NELL2: variants seen among roughly 807,000 people sequenced by gnomAD.
NELL2 encodes protein kinase C-binding protein NELL2.
Under a neutral mutation model 109.6 loss-of-function variants are expected in NELL2, and 41 were observed. The observed-to-expected ratio is 0.37, with a 90% CI of 0.29 to 0.49. The LOEUF (loss-of-function observed/expected upper bound fraction) is 0.49. NELL2 is among the 20% of genes least tolerant of loss of function. The probability of loss-of-function intolerance (pLI) is 0.98; values close to 1 mark genes in which losing one functional copy is unlikely to be tolerated. For synonymous variants in NELL2, 355 were observed against 344.7 expected, an observed-to-expected ratio of 1.03 and a Z score of -0.33; for missense variants, 900 against 1,008.3, an observed-to-expected ratio of 0.89 and a Z score of 1.45.
chr12:44,780,311 A>T (rs2136599594), intron 3 of NELL2, among the ~76,000 whole-genome samples: 1 of 152,078 alleles, frequency 6.6e-6, no homozygotes. Flanking sequence ...ATGAATGTAG[A>T]CCTAAAAAAT....
At chr12:44,869,304 A>G (rs1235851366) in intron 2 of NELL2, among the ~76,000 whole-genome samples, 3 of 152,220 alleles carry the variant, frequency 2.0e-5, no homozygotes, top group Admixed American at 1.3e-4. Context: ...CAAGGTCTAG[A>G]AATAAGCTTC....
intron 11 of NELL2, among the ~76,000 whole-genome samples, chr12:44,707,496 T>C (rs1254233963): frequency 1.3e-5 from 2 of 152,180 alleles, no homozygotes; most frequent in Non-Finnish European, 2.9e-5. Flanking sequence ...CAATTTATCC[T>C]CTGCTTATTG....
At chr12:44,518,268 G>A (rs1183255049) in intron 19 of NELL2, among the ~76,000 whole-genome samples, 1 of 147,950 alleles carries the variant, frequency 6.8e-6, no homozygotes, top group African/African-American at 2.5e-5. Flanking sequence ...TTTCTGAGAT[G>A]GAGTCTCGCT....
At chr12:44,691,755 A>G (rs1764769222) in intron 12 of NELL2, among the ~76,000 whole-genome samples, 1 of 152,212 alleles carries the variant, frequency 6.6e-6, no homozygotes, top group East Asian at 1.9e-4. Flanking sequence ...GTATGGATGG[A>G]AGATAAAATC....
At chr12:44,550,394 C>T (rs529801601) in intron 15 of NELL2, among the ~76,000 whole-genome samples, 1 of 148,590 alleles carries the variant, frequency 6.7e-6, no homozygotes, top group East Asian at 2.0e-4. Flanking sequence ...ATTACAGGAA[C>T]ATGCCACCAT....
chr12:44,577,048 T>G (rs1805456513), intron 15 of NELL2, among the ~76,000 whole-genome samples: 3 of 137,574 alleles, frequency 2.2e-5, no homozygotes, highest in South Asian at 5.1e-4. Flanking sequence ...TATAGTCCTT[T>G]GGGTATATAC....
rs530167691 is a variant in NELL2, at chr12:44,859,005, C to T, written c.184+16220G>A. On this transcript the variant is annotated intron_variant, in intron 2 of 19. Coordinates refer to ENST00000429094, the MANE Select transcript of NELL2 (RefSeq NM_001145108.2). ...TTTTACTCTGTTTCTTCTTAGAATT[C>T]GCTTGTGGTTAAATGATTACCTACA... 1.8e-4 allele frequency among the ~76,000 whole-genome samples: 28 copies of T among 152,250 alleles called. No individual in the cohort carries two copies. The South Asian group carries it at 3.1e-3, about 17-fold the overall frequency.
chr12:44,907,400 C>T (rs1213300770), intron 1 of NELL2, among the ~76,000 whole-genome samples: 2 of 151,840 alleles, frequency 1.3e-5, no homozygotes, highest in East Asian at 3.9e-4. Flanking sequence ...AGATTAGGTG[C>T]AAAACCAAAA....
intron 9 of NELL2, among the ~76,000 whole-genome samples, chr12:44,741,294 G>C (rs1380558973): frequency 6.6e-6 from 1 of 152,108 alleles, no homozygotes; most frequent in African/African-American, 2.4e-5. Context: ...ACTTTAAGCT[G>C]TATCATAACA....
chr12:44,664,527 C>T (rs1037256213), intron 13 of NELL2, among the ~76,000 whole-genome samples: 3 of 151,940 alleles, frequency 2.0e-5, no homozygotes, highest in Non-Finnish European at 4.4e-5. Flanking sequence ...AAAACAAAGA[C>T]AAAGTGATAC....
At chr12:44,656,483 A>G (rs962582467) in intron 13 of NELL2, among the ~76,000 whole-genome samples, 1 of 152,250 alleles carries the variant, frequency 6.6e-6, no homozygotes, top group African/African-American at 2.4e-5. Flanking sequence ...GAGAAATAAG[A>G]CATTTCCTCA....
At chr12:44,774,717 G>T (rs377157697) in intron 9 of NELL2, 30 bp downstream of exon 9, 3 of 1,544,770 alleles carry the variant, frequency 1.9e-6, no homozygotes, top group Non-Finnish European at 2.7e-6. Context: ...TTTTTCCAAA[G>T]AAAGTATTCA....
chr12:44,684,142 C>T (rs193079071), intron 12 of NELL2, among the ~76,000 whole-genome samples: 1 of 152,264 alleles, frequency 6.6e-6, no homozygotes, highest in African/African-American at 2.4e-5. Context: ...CTGGTTTAGT[C>T]TTGGGAGACT....
intron 13 of NELL2, among the ~76,000 whole-genome samples, chr12:44,644,393 G>A (rs1011623058): frequency 6.6e-6 from 1 of 151,482 alleles, no homozygotes; most frequent in Non-Finnish European, 1.5e-5. Context: ...ACCACCTATT[G>A]CTATTTAAAA....
At chr12:44,647,955 T>C (rs1191438100) in intron 13 of NELL2, among the ~76,000 whole-genome samples, 1 of 152,148 alleles carries the variant, frequency 6.6e-6, no homozygotes, top group Non-Finnish European at 1.5e-5. Context: ...ATCATGTGGT[T>C]GGAAGGTGAG....
intron 13 of NELL2, among the ~76,000 whole-genome samples, chr12:44,634,791 A>C (rs1946575492): frequency 6.6e-6 from 1 of 152,178 alleles, no homozygotes; most frequent in African/African-American, 2.4e-5. Context: ...TCCCACGAAC[A>C]GTGTAAAAGC....
At chr12:44,858,884 C>A (rs1259645986) in intron 2 of NELL2, among the ~76,000 whole-genome samples, 1 of 152,158 alleles carries the variant, frequency 6.6e-6, no homozygotes, top group African/African-American at 2.4e-5. Context: ...ATGATAAGTA[C>A]TTCAAAATAG....
intron 12 of NELL2, among the ~76,000 whole-genome samples, chr12:44,685,472 T>G (rs1424075715): frequency 2.6e-5 from 4 of 152,152 alleles, no homozygotes; most frequent in Non-Finnish European, 5.9e-5. Context: ...ATTAGCTGGT[T>G]ATTTTGCTCG....
chr12:44,681,867 G>T (rs1484204612), intron 12 of NELL2, among the ~76,000 whole-genome samples: 1 of 151,436 alleles, frequency 6.6e-6, no homozygotes, highest in African/African-American at 2.5e-5. Flanking sequence ...GAATAATGCC[G>T]CAATAAACAT....
Sources: gnomAD v4.1 joint callset for allele counts (sites outside exome capture counted in the v4.1 genomes callset) on GRCh38, gnomAD v4.1.1 for gene constraint, MANE v1.5 for transcripts, NCBI Gene and HGNC (gene_info 2026-07-23, HGNC 2026-07-21) for gene names.